Variants in RERE observed in about 807,000 individuals in gnomAD.
RERE encodes arginine-glutamic acid dipeptide repeats.
In RERE, 40 loss-of-function variants were observed where a neutral mutation model predicts 146.1. The observed-to-expected ratio is 0.27, with a 90% CI of 0.21 to 0.36. The LOEUF is 0.36. Among genes scored for constraint, RERE ranks in the 10% least tolerant of loss-of-function variants. RERE has a pLI of 1.00. For missense variants in RERE, 1,933 were observed against 2,138.7 expected, an observed-to-expected ratio of 0.90 and a Z score of 1.90; for synonymous variants, 1,003 against 866.0, an observed-to-expected ratio of 1.16 and a Z score of -2.78.
chr1:8,799,662 C>T (rs1476081947), intron 1 of RERE, among the ~76,000 whole-genome samples: 5 of 152,074 alleles, frequency 3.3e-5, no homozygotes, highest in African/African-American at 9.7e-5. Context: ...GTAAGCCAGG[C>T]TTGTCCAATC....
At chr1:8,457,554 G>A (rs1644466524) in intron 11 of RERE, among the ~76,000 whole-genome samples, 1 of 152,068 alleles carries the variant, frequency 6.6e-6, no homozygotes, top group African/African-American at 2.4e-5. Flanking sequence ...GGCTACCAAG[G>A]CCATCACTAC....
intron 4 of RERE, among the ~76,000 whole-genome samples, chr1:8,589,876 A>G (rs112591768): frequency 1.2e-3 from 190 of 152,220 alleles, no homozygotes; most frequent in Non-Finnish European, 2.3e-3. Context: ...AATTCCTCAA[A>G]CCCTCATATA....
chr1:8,476,052 C>T (rs1021568567), intron 10 of RERE, among the ~76,000 whole-genome samples: 18 of 152,188 alleles, frequency 1.2e-4, no homozygotes, highest in African/African-American at 3.9e-4. Flanking sequence ...TCCCTCTTTC[C>T]ATCACTTTCT....
At chr1:8,781,139 C>T (rs550451847) in intron 1 of RERE, among the ~76,000 whole-genome samples, 2 of 152,158 alleles carry the variant, frequency 1.3e-5, no homozygotes, top group South Asian at 4.1e-4. Flanking sequence ...AGGCGGATCA[C>T]AAGCTCAAGA....
At chr1:8,396,714 T>G (rs536168105) in intron 12 of RERE, among the ~76,000 whole-genome samples, 8 of 152,316 alleles carry the variant, frequency 5.3e-5, no homozygotes, top group Non-Finnish European at 1.2e-4. Context: ...AGTTTACAAT[T>G]CAGAGGCAGT....
At chr1:8,603,174 T>C (rs988434548) in intron 4 of RERE, among the ~76,000 whole-genome samples, 5 of 152,262 alleles carry the variant, frequency 3.3e-5, no homozygotes, top group Non-Finnish European at 7.3e-5. Flanking sequence ...ACTTCATTAA[T>C]AGAGTTCAGA....
intron 1 of RERE, chr1:8,750,312 C>T (rs1640506932): frequency 1.7e-6 from 1 of 575,132 alleles, no homozygotes; most frequent in Non-Finnish European, 3.1e-6. Context: ...AAGATGAGGG[C>T]TAAGACTTGG....
chr1:8,677,187 T>C (rs894958911), intron 1 of RERE, among the ~76,000 whole-genome samples: 10 of 152,148 alleles, frequency 6.6e-5, no homozygotes, highest in Admixed American at 1.3e-4. Flanking sequence ...CCCAGCACTA[T>C]GGGAGGCCAA....
At position 8,423,597 on chromosome 1, in the gene RERE, C is replaced by G; in HGVS notation, c.1204-790G>C. The stretch of plus-strand genomic sequence containing the variant: ...CAGCCTGGTCCCGGGCGGCCGACCC[C>G]AGCAGCCACAGGTAAGCGCCCGGGG... On this transcript the variant is annotated intron_variant, in intron 11 of 22. Coordinates refer to ENST00000400908, the MANE Select transcript of RERE (RefSeq NM_001042681.2). The surrounding 1 kb of genome is among the most constrained non-coding windows in gnomAD (Gnocchi z 5.4). 1.0e-6 allele frequency: 1 copy of G among 985,288 alleles called. No homozygotes were observed. The highest frequency in any genetic ancestry group is 1.2e-6 in the Non-Finnish European group (1 of 829,904). 61.0% of individuals were successfully genotyped at this position (985,288 alleles called of 1,614,324 possible).
intron 9 of RERE, 99 bp downstream of exon 9, chr1:8,497,306 A>G (rs1237189442): frequency 1.5e-6 from 2 of 1,327,134 alleles, no homozygotes; most frequent in Admixed American, 2.0e-5. Context: ...AGAACGCCCA[A>G]TATAGAAATA....
intron 8 of RERE, among the ~76,000 whole-genome samples, chr1:8,504,403 G>A (rs1276073001): frequency 6.6e-6 from 1 of 152,158 alleles, no homozygotes; most frequent in Non-Finnish European, 1.5e-5. Context: ...TCATCAATAA[G>A]AACTGATTAA....
At chr1:8,522,316 A>G (rs1029869147) in intron 7 of RERE, among the ~76,000 whole-genome samples, 2 of 152,252 alleles carry the variant, frequency 1.3e-5, no homozygotes, top group South Asian at 4.1e-4. Flanking sequence ...TTACAGTCTT[A>G]GAATACACGG....
chr1:8,488,908 G>A (rs114787715), intron 10 of RERE, among the ~76,000 whole-genome samples: 4 of 152,072 alleles, frequency 2.6e-5, no homozygotes, highest in Non-Finnish European at 5.9e-5. Flanking sequence ...ATGAATCAAA[G>A]ACCTAAATGT....
chr1:8,810,325 T>C (rs1286948417), intron 1 of RERE, among the ~76,000 whole-genome samples: 1 of 149,020 alleles, frequency 6.7e-6, no homozygotes, highest in Non-Finnish European at 1.5e-5. Flanking sequence ...ATAAAATAAA[T>C]CCAGACATAG....
chr1:8,515,868 T>C (rs1275777904), intron 7 of RERE, among the ~76,000 whole-genome samples: 3 of 152,056 alleles, frequency 2.0e-5, no homozygotes, highest in Non-Finnish European at 4.4e-5. Flanking sequence ...TAATGCAACA[T>C]ACACACACAT....
intron 1 of RERE, among the ~76,000 whole-genome samples, chr1:8,804,268 G>C (rs1196513176): frequency 3.3e-5 from 5 of 152,174 alleles, no homozygotes; most frequent in Non-Finnish European, 7.4e-5. Context: ...CATCTTGTTA[G>C]AAAATTTACC....
intron 1 of RERE, among the ~76,000 whole-genome samples, chr1:8,785,042 T>A (rs1641235446): frequency 6.6e-6 from 1 of 152,106 alleles, no homozygotes; most frequent in South Asian, 2.1e-4. Flanking sequence ...CTAGGTAAAA[T>A]CCTATCCAAA....
chr1:8,564,398 G>A (rs1278076756), intron 4 of RERE, among the ~76,000 whole-genome samples: 2 of 152,050 alleles, frequency 1.3e-5, no homozygotes, highest in Non-Finnish European at 2.9e-5. Context: ...TAGCCTGAGG[G>A]TAATTATATA....
At chr1:8,769,064 G>C (rs769545003) in intron 1 of RERE, among the ~76,000 whole-genome samples, 2 of 152,192 alleles carry the variant, frequency 1.3e-5, no homozygotes, top group Non-Finnish European at 2.9e-5. Context: ...ATGCTTTGGG[G>C]CTATAAGGGT....
Sources: allele counts gnomAD v4.1 joint callset (sites outside exome capture counted in the v4.1 genomes callset), GRCh38; gene constraint gnomAD v4.1.1; non-coding constraint Gnocchi (gnomAD v3.1); transcripts MANE v1.5; gene names NCBI Gene and HGNC (gene_info 2026-07-23, HGNC 2026-07-21).